ITK: variants seen among roughly 807,000 people sequenced by gnomAD.
ITK encodes IL2 inducible T cell kinase, also known as tyrosine-protein kinase ITK/TSK.
Under a neutral mutation model 87.6 loss-of-function variants are expected in ITK, and 45 were observed. That is an observed-to-expected ratio of 0.51 (90% CI 0.40 to 0.66). ITK has a LOEUF of 0.66. Ranked by LOEUF, ITK falls within the 30% of genes least tolerant of loss-of-function variation. The probability of loss-of-function intolerance (pLI) is 0.00; values close to 1 mark genes in which losing one functional copy is unlikely to be tolerated. For missense variants in ITK, 605 were observed against 766.3 expected (o/e 0.79, Z 2.48); for synonymous variants, 303 against 273.6 (o/e 1.11, Z -1.06).
In ITK at chr5:157,244,343, G is replaced by T; in HGVS notation, c.1314G>T (p.Met438Ile). ...QAPICLVFEF[M>I]EHGCLSDYLR... Reference sequence around the variant, plus strand: ...CCATCTGCCTGGTGTTTGAGTTCATGGAGCACGGCTGCCTGTCAGATTATC... The same window carrying T: ...CCATCTGCCTGGTGTTTGAGTTCATTGAGCACGGCTGCCTGTCAGATTATC... The change falls in exon 13 of 17, where the codon ATG becomes ATT. Residue 438 changes from methionine to isoleucine, a missense_variant. Met to Ile is a conservative substitution (Grantham distance 10). Around this residue, in one of 3 missense-constraint regions of ITK, gnomAD observed 464 missense variants for 578.0 expected, o/e 0.80. Transcript: ENST00000422843. 2 of 1,614,150 alleles carry T rather than the reference G, an allele frequency of 1.2e-6. No individual in the cohort carries two copies. The highest frequency in any genetic ancestry group is 2.2e-5 in the South Asian group (2 of 91,078).
intron 11 of ITK, 122 bp from the exon 12 acceptor site, chr5:157,243,501 C>T (rs1754955736): frequency 8.6e-6 from 7 of 814,234 alleles, no homozygotes; most frequent in South Asian, 8.2e-5. Flanking sequence ...AATTTATTTG[C>T]CATCTTTGAA....
Position 157,240,189 on chromosome 5 carries a change from G to A in ITK, c.979G>A (p.Gly327Arg). Reference sequence around the variant, plus strand: ...TCTCATCAACTATCACCAACATAATGGAGGAGGTAAGCTCTAGAGCAGGGG... The same window carrying A: ...TCTCATCAACTATCACCAACATAATAGAGGAGGTAAGCTCTAGAGCAGGGG... ...PLLINYHQHN[G>R]GGLVTRLRYP... Residue 327 changes from glycine to arginine, a missense_variant, in exon 10 of 17, where the codon GGA (glycine) becomes AGA (arginine). Gly to Arg is a moderately radical substitution (Grantham distance 125). Coordinates refer to ENST00000422843, the MANE Select transcript of ITK (RefSeq NM_005546.4). 6.2e-7 allele frequency: 1 copy of A among 1,614,142 alleles called. No individual in the cohort carries two copies. The highest frequency in any genetic ancestry group is 1.1e-5 in the South Asian group (1 of 91,080).
At chr5:157,218,782 C>T (rs902321746) in intron 5 of ITK, among the ~76,000 whole-genome samples, 8 of 152,086 alleles carry the variant, frequency 5.3e-5, no homozygotes, top group Admixed American at 2.6e-4. Context: ...GTCTTTAACT[C>T]GAGTGGTGGT....
At chr5:157,184,910 G>C (rs768662991) in intron 1 of ITK, among the ~76,000 whole-genome samples, 20 of 152,090 alleles carry the variant, frequency 1.3e-4, no homozygotes, top group Admixed American at 3.3e-4. Flanking sequence ...GATGTGGGAG[G>C]CATTATCATT....
chr5:157,192,561 G>C (rs1753773784), intron 1 of ITK, among the ~76,000 whole-genome samples: 1 of 152,164 alleles, frequency 6.6e-6, no homozygotes, highest in Non-Finnish European at 1.5e-5. Context: ...ACTCTCTCTG[G>C]GATTTAGCTT....
At chr5:157,232,865 C>A (rs1754688070) in intron 8 of ITK, among the ~76,000 whole-genome samples, 1 of 152,156 alleles carries the variant, frequency 6.6e-6, no homozygotes, top group South Asian at 2.1e-4. Flanking sequence ...GCCATCAGGG[C>A]TGGTCAGTCA....
chr5:157,201,755 AT>A (rs1384605327), intron 1 of ITK, among the ~76,000 whole-genome samples: 3 of 147,038 alleles, frequency 2.0e-5, no homozygotes, highest in Non-Finnish European at 4.5e-5. Context: ...AAAAAAAAAA[AT>A]TGTAAGGAAC....
At chr5:157,233,042 AAG>A (rs1176099255) in intron 8 of ITK, among the ~76,000 whole-genome samples, 1 of 152,226 alleles carries the variant, frequency 6.6e-6, no homozygotes, top group Non-Finnish European at 1.5e-5. Context: ...CAGGGATGTC[AAG>A]ATTAAGGGCG....
At chr5:157,199,572 T>C (rs942292816) in intron 1 of ITK, 6 of 152,222 alleles carry the variant, frequency 3.9e-5, no homozygotes, top group Non-Finnish European at 7.3e-5. Context: ...GGAATGATAG[T>C]CTTCTGTGGA....
chr5:157,210,548 T>A (rs568324231), intron 2 of ITK, among the ~76,000 whole-genome samples: 50 of 149,696 alleles, frequency 3.3e-4, no homozygotes, highest in African/African-American at 4.9e-4. Flanking sequence ...TTTTTTTTAA[T>A]TTTTTTTTAT....
chr5:157,240,822 AG>A (rs1383186116), intron 10 of ITK: 4 of 154,530 alleles, frequency 2.6e-5, no homozygotes, highest in African/African-American at 9.6e-5. Flanking sequence ...GACAGCACCA[AG>A]GCATTTGTGA....
intron 10 of ITK, chr5:157,241,232 C>T (rs1407305375): frequency 6.0e-6 from 1 of 168,016 alleles, no homozygotes; most frequent in Non-Finnish European, 1.2e-5. Flanking sequence ...GCCACAGTGC[C>T]CAGCCAGGGA....
chr5:157,238,213 G>A lies in ITK; in HGVS notation c.851+22G>A, dbSNP rs1754816303. The A allele has an allele frequency of 1.9e-6, 3 of 1,562,846 alleles. No homozygotes were observed. The South Asian group carries it at 3.3e-5, about 17-fold the overall frequency. ...TAAGGTATGGAGCTAACTCTGCTCA[G>A]CAAAGTGGAGAGAAACACTTCTGAA... On this transcript the variant is annotated intron_variant, in intron 9 of 16. Transcript: ENST00000422843.
chr5:157,220,657 C>T (rs760868448), intron 5 of ITK, among the ~76,000 whole-genome samples: 52 of 152,152 alleles, frequency 3.4e-4, no homozygotes, highest in Non-Finnish European at 6.5e-4. Flanking sequence ...CCAAACAACC[C>T]TTCCTGAGCC....
intron 3 of ITK, among the ~76,000 whole-genome samples, chr5:157,213,410 C>A (rs1009250488): frequency 3.9e-5 from 6 of 152,198 alleles, no homozygotes; most frequent in Admixed American, 6.5e-5. Flanking sequence ...CAGGGTCTCA[C>A]TCTGTTACCC....
intron 7 of ITK, among the ~76,000 whole-genome samples, chr5:157,229,033 A>G (rs945505964): frequency 6.6e-6 from 1 of 152,248 alleles, no homozygotes; most frequent in African/African-American, 2.4e-5. Flanking sequence ...GACTATTAAA[A>G]TAAGTAATAG....
intron 4 of ITK, among the ~76,000 whole-genome samples, chr5:157,216,210 C>T (rs1421295283): frequency 6.6e-6 from 1 of 152,194 alleles, no homozygotes; most frequent in Non-Finnish European, 1.5e-5. Flanking sequence ...ACTGTGAACG[C>T]AGCTTATGGT....
chr5:157,219,033 G>C (rs1754358570), intron 5 of ITK, among the ~76,000 whole-genome samples: 1 of 151,778 alleles, frequency 6.6e-6, no homozygotes, highest in South Asian at 2.1e-4. Context: ...AAAAAAGATG[G>C]GGGAAAGGAT....
At chr5:157,223,862 T>G (rs1215863499) in intron 6 of ITK, among the ~76,000 whole-genome samples, 1 of 152,178 alleles carries the variant, frequency 6.6e-6, no homozygotes, top group African/African-American at 2.4e-5. Context: ...AATTTTAAAG[T>G]ATAAAAAAGA....
Sources: allele counts gnomAD v4.1 joint callset (sites outside exome capture counted in the v4.1 genomes callset), GRCh38; gene constraint gnomAD v4.1.1; regional missense constraint gnomAD v4.1.1; transcripts MANE v1.5; gene names NCBI Gene and HGNC (gene_info 2026-07-23, HGNC 2026-07-21).